Variants in C10orf53 observed in about 807,000 individuals in gnomAD.
The protein encoded by C10orf53 is UPF0728 protein C10orf53.
C10orf53 carries 8 observed loss-of-function variants against 9.4 expected under a neutral mutation model. The observed-to-expected ratio is 0.85, with a 90% CI of 0.50 to 1.53. The LOEUF (loss-of-function observed/expected upper bound fraction) is 1.53, where lower values mean the gene tolerates loss of function less well. Ranked by LOEUF, C10orf53 falls within the 40% of genes most tolerant of loss-of-function variation. C10orf53 has a pLI of 0.00. For missense variants in C10orf53, 117 were observed against 117.8 expected, an observed-to-expected ratio of 0.99 and a Z score of 0.03; for synonymous variants, 48 against 46.0, an observed-to-expected ratio of 1.04 and a Z score of -0.18.
exon 3 of C10orf53, chr10:49,710,156 A>C (rs963038357): frequency 6.6e-6 from 1 of 152,222 alleles, no homozygotes; most frequent in African/African-American, 2.4e-5. Context: ...CACAGTTAAC[A>C]AAGGATGGCA....
chr10:49,694,146 A>C, intron 2 of C10orf53: 1 of 599,238 alleles, frequency 1.7e-6, no homozygotes, highest in Non-Finnish European at 2.9e-6. Context: ...GAAGCCCTGG[A>C]CTTCGAGGGA....
rs1840625121 is a variant in C10orf53 at position 49,695,349 on chromosome 10, T to C, written c.*747T>C. On this transcript the variant is annotated 3_prime_UTR_variant, in exon 3 of 3. Transcript: ENST00000374111. Reference sequence around the variant, plus strand: ...GAAAATCAGTCATGTCGAAATGATATTTTTACTTTCCACTCTTACGCACCA... The same window carrying C: ...GAAAATCAGTCATGTCGAAATGATACTTTTACTTTCCACTCTTACGCACCA... 6.6e-6 allele frequency: 1 copy of C among 152,230 alleles called. No homozygotes were observed. Among genetic ancestry groups the C allele is most frequent in the African/African-American group, 2.4e-5 (1 of 41,452 alleles). 9.4% of individuals were successfully genotyped at this position (152,230 alleles called of 1,614,324 possible).
intron 1 of C10orf53, among the ~76,000 whole-genome samples, chr10:49,683,010 A>G (rs1017909499): frequency 3.9e-5 from 6 of 152,168 alleles, no homozygotes; most frequent in African/African-American, 1.4e-4. Context: ...CCTTTCCGCT[A>G]CTGTGAATAG....
rs934142886 is a variant in C10orf53 at position 49,708,237 on chromosome 10, A to G, written c.218-124A>G. ...ATTGGCTTAAGAATATAGGAAATATATTGGTTTGTATACCTGAAAAGTCCA... is the reference window on the plus strand; with the variant it reads ...ATTGGCTTAAGAATATAGGAAATATGTTGGTTTGTATACCTGAAAAGTCCA... On this transcript the variant is annotated intron_variant, in intron 2 of 2. Transcript: ENST00000374112. The G allele has an allele frequency of 5.7e-6, 8 of 1,413,376 alleles. No homozygotes were observed. In the Admixed American group the frequency reaches 1.1e-4, roughly 19 times the overall value. The allele number at this position is 1,413,376 out of a possible 1,614,324, so 87.6% of individuals were successfully genotyped here. A position where few individuals can be genotyped will look rare whatever the true frequency, so the allele number is the denominator to read the frequency against.
At chr10:49,699,576 C>A (rs564182581), downstream of C10orf53, among the ~76,000 whole-genome samples, 1 of 152,058 alleles carries the variant, frequency 6.6e-6, no homozygotes, top group Non-Finnish European at 1.5e-5. Context: ...GTGATGATCA[C>A]CTGCTTCTGA....
chr10:49,684,703 G>A (rs1163950237), intron 1 of C10orf53, among the ~76,000 whole-genome samples: 1 of 152,036 alleles, frequency 6.6e-6, no homozygotes, highest in Non-Finnish European at 1.5e-5. Context: ...TGTTAATTTT[G>A]TTAATTCCTT....
In C10orf53 at chr10:49,694,756, C is replaced by G; in HGVS notation, c.*154C>G. On this transcript the variant is annotated 3_prime_UTR_variant, in exon 3 of 3. Coordinates refer to ENST00000374111, the MANE Select transcript of C10orf53 (RefSeq NM_001042427.3). The stretch of plus-strand genomic sequence containing the variant: ...GCCTGACCTCCAGCTTACGCAGCCT[C>G]AGGATTGTCACCTGGCTGCACAGGA... The G allele has an allele frequency of 2.1e-6, 3 of 1,436,818 alleles. No homozygotes were observed. In the East Asian group the frequency reaches 7.4e-5, roughly 35 times the overall value. 89.0% of individuals were successfully genotyped at this position (1,436,818 alleles called of 1,614,324 possible). A position where few individuals can be genotyped will look rare whatever the true frequency, so the allele number is the denominator to read the frequency against.
At chr10:49,681,608 A>C (rs1467996445) in intron 1 of C10orf53, among the ~76,000 whole-genome samples, 1 of 152,244 alleles carries the variant, frequency 6.6e-6, no homozygotes, top group Non-Finnish European at 1.5e-5. Flanking sequence ...CAATAGAAAT[A>C]TATTTTTTCA....
rs80198254 is a variant in C10orf53, at chr10:49,689,684, A to T, written c.98-4090A>T. Reference sequence around the variant, plus strand: ...AAAATCCTACACAGCGCTGAAGAAGAATGCAGCCACTCTATGTGTGTGACA... The same window carrying T: ...AAAATCCTACACAGCGCTGAAGAAGTATGCAGCCACTCTATGTGTGTGACA... On this transcript the variant is annotated intron_variant, in intron 1 of 2. Coordinates refer to ENST00000374111, the MANE Select transcript of C10orf53 (RefSeq NM_001042427.3). Among the ~76,000 whole-genome samples the T allele has an allele frequency of 2.9e-3, 441 of 152,264 alleles. 5 individuals are homozygous for T. The East Asian group carries it at 0.03, about 10-fold the overall frequency.
intron 1 of C10orf53, among the ~76,000 whole-genome samples, chr10:49,684,889 T>G (rs75331159): frequency 0.043 from 6,501 of 152,296 alleles, 194 homozygotes; most frequent in South Asian, 0.092. Flanking sequence ...TAATACTATG[T>G]TAAATAGAAG....
chr10:49,707,818 C>G (rs932161302), intron 2 of C10orf53, among the ~76,000 whole-genome samples: 1 of 151,418 alleles, frequency 6.6e-6, no homozygotes, highest in African/African-American at 2.4e-5. Context: ...ACATTTTCCT[C>G]TGTTTTGAAA....
rs116277847 is a variant in C10orf53, at chr10:49,706,160, G to T, written c.218-2201G>T. 2.6e-3 allele frequency among the ~76,000 whole-genome samples: 393 copies of T among 152,344 alleles called. 1 individual carries two copies. Among genetic ancestry groups the T allele is most frequent in the African/African-American group, 7.8e-3 (323 of 41,578 alleles). On this transcript the variant is annotated intron_variant, in intron 2 of 2. Coordinates refer to the C10orf53 transcript ENST00000374112. Reference sequence around the variant, plus strand: ...CTCATACACTGCTGGTGAAATGTCAGATGGGCAGCCACTTTGGAAAACAGT... The same window carrying T: ...CTCATACACTGCTGGTGAAATGTCATATGGGCAGCCACTTTGGAAAACAGT...
chr10:49,703,330 G>A (rs1417169479), intron 2 of C10orf53, among the ~76,000 whole-genome samples: 5 of 152,064 alleles, frequency 3.3e-5, no homozygotes, highest in Non-Finnish European at 5.9e-5. Flanking sequence ...CAGAGCACTG[G>A]GCAGAAATTA....
exon 3 of C10orf53, chr10:49,709,943 A>G (rs1840750848): frequency 9.7e-6 from 1 of 102,698 alleles, no homozygotes. Flanking sequence ...GGCACCCTAT[A>G]TCTGTGTGTG....
At chr10:49,690,313 G>T (rs1025742) in intron 1 of C10orf53, among the ~76,000 whole-genome samples, 144,473 of 152,292 alleles carry the variant, frequency 0.95, 68,865 homozygotes, top group Middle Eastern at 1. Context: ...GGTGTTCACC[G>T]CAGCAAAGCA....
chr10:49,694,596 C>T lies in C10orf53; in HGVS notation c.276C>T (p.Ala92=), dbSNP rs769845045. Residue 92 remains alanine (A), a synonymous_variant, in exon 3 of 3, where the codon GCC becomes GCT. Transcript: ENST00000374111. ...CEKARIAVLN[A]Y is the part of the protein sequence containing the mutation. Reference sequence around the variant, plus strand: ...AGGCCAGGATAGCCGTGCTGAATGCCTACTGATCTCCTCATGGAACAGGCA... The same window carrying T: ...AGGCCAGGATAGCCGTGCTGAATGCTTACTGATCTCCTCATGGAACAGGCA... 4 of 1,614,098 alleles carry T rather than the reference C, an allele frequency of 2.5e-6. No homozygotes were observed. Among genetic ancestry groups the T allele is most frequent in the Admixed American group, 3.3e-5 (2 of 60,010 alleles).
At chr10:49,708,452 T>C (rs1840738090) in exon 3 of C10orf53, 2 of 1,614,166 alleles carry the variant, frequency 1.2e-6, no homozygotes, top group East Asian at 4.5e-5. Flanking sequence ...TGAAAGTTTC[T>C]CCTTTGCAAC....
intron 2 of C10orf53, among the ~76,000 whole-genome samples, chr10:49,703,535 A>G (rs1273183372): frequency 6.6e-6 from 1 of 152,210 alleles, no homozygotes; most frequent in African/African-American, 2.4e-5. Context: ...GAGTCCATGT[A>G]AGGCGACCAG....
At chr10:49,691,563 G>T (rs1840584292) in intron 1 of C10orf53, among the ~76,000 whole-genome samples, 1 of 152,180 alleles carries the variant, frequency 6.6e-6, no homozygotes, top group African/African-American at 2.4e-5. Context: ...CTCTTAAGAG[G>T]GTTTCTTCCT....
Sources: gnomAD v4.1 joint callset for allele counts (sites outside exome capture counted in the v4.1 genomes callset) on GRCh38, gnomAD v4.1.1 for gene constraint, MANE v1.5 for transcripts, NCBI Gene and HGNC (gene_info 2026-07-23, HGNC 2026-07-21) for gene names.